The following EYS variants were observed in gnomAD, a reference collection of about 807,000 sequenced individuals.
EYS encodes the protein protein eyes shut homolog.
EYS carries 250 observed loss-of-function variants against 282.1 expected under a neutral mutation model. The ratio of observed to expected loss-of-function variants is 0.89; its 90% CI spans 0.80 to 0.98. The LOEUF is 0.98. Among genes scored for constraint, EYS ranks in the 50% least tolerant of loss-of-function variants. The probability of loss-of-function intolerance (pLI) is 0.00; values close to 1 mark genes in which losing one functional copy is unlikely to be tolerated. For missense variants in EYS, 4,016 were observed against 3,709.0 expected, an observed-to-expected ratio of 1.08 and a Z score of -2.15; for synonymous variants, 1,355 against 1,282.9, an observed-to-expected ratio of 1.06 and a Z score of -1.20.
intron 2 of EYS, among the ~76,000 whole-genome samples, chr6:65,541,104 C>T (rs184058103): frequency 2.0e-5 from 3 of 151,912 alleles, no homozygotes; most frequent in Non-Finnish European, 2.9e-5. Context: ...TCCTGTTGGC[C>T]TCATATTCCT....
intron 36 of EYS, among the ~76,000 whole-genome samples, chr6:63,859,311 T>C (rs1772477002): frequency 6.6e-6 from 1 of 151,920 alleles, no homozygotes; most frequent in Non-Finnish European, 1.5e-5. Context: ...ATTAGACTCA[T>C]TGAAATTGAA....
intron 11 of EYS, among the ~76,000 whole-genome samples, chr6:65,313,030 G>C (rs1562090080): frequency 6.6e-6 from 1 of 152,032 alleles, no homozygotes; most frequent in Non-Finnish European, 1.5e-5. Flanking sequence ...CTGTTTCGTG[G>C]AACACCAGCA....
chr6:64,398,177 G>C (rs146058242), intron 28 of EYS, among the ~76,000 whole-genome samples: 1 of 152,000 alleles, frequency 6.6e-6, no homozygotes, highest in East Asian at 1.9e-4. Context: ...AGTTGTGGCT[G>C]ACCTACATTG....
At chr6:64,981,195 T>A (rs1040319856) in intron 14 of EYS, among the ~76,000 whole-genome samples, 1 of 151,420 alleles carries the variant, frequency 6.6e-6, no homozygotes, top group Non-Finnish European at 1.5e-5. Context: ...TAAACATTCC[T>A]GGCTTTCAAG....
At chr6:65,498,784 A>T (rs1462881429) in intron 2 of EYS, among the ~76,000 whole-genome samples, 1 of 151,996 alleles carries the variant, frequency 6.6e-6, no homozygotes, top group African/African-American at 2.4e-5. Flanking sequence ...GAAAAAGGTG[A>T]TGTAATTTTG....
intron 31 of EYS, among the ~76,000 whole-genome samples, chr6:64,214,572 C>T (rs905598726): frequency 7.9e-5 from 12 of 151,932 alleles, no homozygotes; most frequent in Non-Finnish European, 1.6e-4. Flanking sequence ...GATATACTTC[C>T]ACATATCCCA....
chr6:64,917,021 C>T (rs55989410), intron 15 of EYS, among the ~76,000 whole-genome samples: 1,625 of 152,208 alleles, frequency 0.011, 26 homozygotes, highest in African/African-American at 0.037. Flanking sequence ...GAGTCCGAGG[C>T]GGGTGGATCA....
chr6:64,413,558 C>CAACAAA (rs1773973722), intron 28 of EYS, among the ~76,000 whole-genome samples: 1 of 114,432 alleles, frequency 8.7e-6, no homozygotes, highest in African/African-American at 3.2e-5. Flanking sequence ...ACAACAACAA[C>CAACAAA]AAAAACCCAA....
intron 30 of EYS, among the ~76,000 whole-genome samples, chr6:64,259,650 GCACA>G (rs1554222995): frequency 2.4e-4 from 35 of 145,710 alleles, no homozygotes; most frequent in South Asian, 4.4e-4. Flanking sequence ...TTACACACGC[GCACA>G]CACACACACA....
At chr6:65,093,499 T>G (rs2150179140) in intron 12 of EYS, among the ~76,000 whole-genome samples, 1 of 151,980 alleles carries the variant, frequency 6.6e-6, no homozygotes, top group African/African-American at 2.4e-5. Context: ...GTGAAATCAA[T>G]AAGATAAAGT....
chr6:65,127,895 T>A (rs1489160401), intron 12 of EYS, among the ~76,000 whole-genome samples: 1 of 152,114 alleles, frequency 6.6e-6, no homozygotes, highest in Non-Finnish European at 1.5e-5. Flanking sequence ...TTTATCTTCC[T>A]ATAAATTGCT....
At chr6:64,873,481 T>C (rs908972710) in intron 19 of EYS, among the ~76,000 whole-genome samples, 2 of 151,766 alleles carry the variant, frequency 1.3e-5, no homozygotes, top group South Asian at 4.1e-4. Flanking sequence ...ATCCAAAGAG[T>C]TGATCCCATA....
At chr6:65,184,633 G>T (rs968993799) in intron 12 of EYS, among the ~76,000 whole-genome samples, 3 of 150,792 alleles carry the variant, frequency 2.0e-5, no homozygotes, top group Non-Finnish European at 4.4e-5. Context: ...AATAAATACA[G>T]ATTCAAATAT....
intron 26 of EYS, among the ~76,000 whole-genome samples, chr6:64,555,542 T>C (rs1765209847): frequency 6.6e-6 from 1 of 151,964 alleles, no homozygotes; most frequent in Non-Finnish European, 1.5e-5. Context: ...TTAATTATCT[T>C]GACTAAGCCA....
intron 28 of EYS, among the ~76,000 whole-genome samples, chr6:64,405,822 A>G (rs1714109137): frequency 6.6e-6 from 1 of 152,224 alleles, no homozygotes; most frequent in African/African-American, 2.4e-5. Flanking sequence ...AGGAAACAAG[A>G]GAGGAAACAA....
intron 26 of EYS, among the ~76,000 whole-genome samples, chr6:64,502,263 C>G (rs867950412): frequency 6.6e-6 from 1 of 151,460 alleles, no homozygotes; most frequent in Non-Finnish European, 1.5e-5. Context: ...TTTTTTTTGC[C>G]GGAGTCTCCC....
intron 15 of EYS, among the ~76,000 whole-genome samples, chr6:64,931,401 TAA>T (rs1391817621): frequency 6.6e-6 from 1 of 152,102 alleles, no homozygotes; most frequent in Admixed American, 6.6e-5. Flanking sequence ...TGAGACTCCT[TAA>T]AGTTTTGATC....
At chr6:64,708,572 AG>A (rs1771106954) in intron 22 of EYS, among the ~76,000 whole-genome samples, 1 of 152,124 alleles carries the variant, frequency 6.6e-6, no homozygotes, top group Non-Finnish European at 1.5e-5. Context: ...AATCTTCACA[AG>A]GATGTTTGTC....
chr6:64,951,670 A>T (rs2150100128), intron 14 of EYS, among the ~76,000 whole-genome samples: 1 of 151,738 alleles, frequency 6.6e-6, no homozygotes, highest in South Asian at 2.1e-4. Context: ...ACAAAGAAAA[A>T]CTCTGAGTTT....
Sources: allele counts gnomAD v4.1 joint callset (sites outside exome capture counted in the v4.1 genomes callset), GRCh38; gene constraint gnomAD v4.1.1; transcripts MANE v1.5; gene names NCBI Gene and HGNC (gene_info 2026-07-23, HGNC 2026-07-21).